ASTN2: variants seen among roughly 807,000 people sequenced by gnomAD.
The protein encoded by ASTN2 is astrotactin-2.
ASTN2 carries 54 observed loss-of-function variants against 139.8 expected under a neutral mutation model. That is an observed-to-expected ratio of 0.39 (90% CI 0.31 to 0.48). The LOEUF is 0.48. ASTN2 is among the 20% of genes least tolerant of loss of function. The pLI, the probability that ASTN2 is intolerant of heterozygous loss-of-function variation, is 0.95. For missense variants in ASTN2, 1,565 were observed against 1,725.1 expected (o/e 0.91, Z 1.64); for synonymous variants, 756 against 719.5 (o/e 1.05, Z -0.81).
intron 3 of ASTN2, among the ~76,000 whole-genome samples, chr9:117,203,079 T>C (rs910666052): frequency 2.0e-5 from 3 of 151,912 alleles, no homozygotes; most frequent in African/African-American, 7.3e-5. Context: ...CTTATTTCAG[T>C]AAGGTTGTCA....
intron 5 of ASTN2, among the ~76,000 whole-genome samples, chr9:117,072,090 C>G (rs1189980079): frequency 6.6e-6 from 1 of 152,196 alleles, no homozygotes; most frequent in South Asian, 2.1e-4. Flanking sequence ...TAGTAAGTCA[C>G]ATTGCAGGAC....
rs1839249054 is a variant in ASTN2 at position 117,060,492 on chromosome 9, A to AAGGAAT, written c.1277-20528_1277-20527insATTCCT. 6.7e-5 allele frequency among the ~76,000 whole-genome samples: 5 copies of AAGGAAT among 74,370 alleles called. 1 individual carries two copies. Among genetic ancestry groups the AAGGAAT allele is most frequent in the African/African-American group, 3.2e-4 (5 of 15,814 alleles). The allele number at this position is 74,370 out of a possible 152,430, so 48.8% of individuals were successfully genotyped here. A position where few individuals can be genotyped will look rare whatever the true frequency, so the allele number is the denominator to read the frequency against. ...AGGAAGGAAGGAAGGAAGGAATGAA[A>AAGGAAT]GAAAGAAAGAAAGAAAGAAAGGAAG... On this transcript the variant is annotated intron_variant, in intron 5 of 22. Transcript: ENST00000313400.
intron 6 of ASTN2, among the ~76,000 whole-genome samples, chr9:117,014,604 G>T (rs1348115681): frequency 6.6e-6 from 1 of 152,062 alleles, no homozygotes; most frequent in African/African-American, 2.4e-5. Context: ...TACTTGTTAT[G>T]GGTTGGACTG....
At chr9:117,121,058 C>T (rs1178135616) in intron 4 of ASTN2, among the ~76,000 whole-genome samples, 2 of 152,170 alleles carry the variant, frequency 1.3e-5, no homozygotes, top group Non-Finnish European at 2.9e-5. Flanking sequence ...TTTTTCTTTT[C>T]CATCTCTATC....
At chr9:116,951,584 C>A (rs886689387) in intron 10 of ASTN2, among the ~76,000 whole-genome samples, 1 of 151,960 alleles carries the variant, frequency 6.6e-6, no homozygotes, top group Non-Finnish European at 1.5e-5. Context: ...CAGGGTCAGG[C>A]AGAGAGATTT....
intron 5 of ASTN2, among the ~76,000 whole-genome samples, chr9:117,065,088 G>C (rs1278534596): frequency 6.6e-6 from 1 of 152,106 alleles, no homozygotes; most frequent in Non-Finnish European, 1.5e-5. Flanking sequence ...AGGATGTGAG[G>C]AAAACAGGGA....
At chr9:116,555,360 G>A (rs1055088777) in intron 19 of ASTN2, among the ~76,000 whole-genome samples, 2 of 152,292 alleles carry the variant, frequency 1.3e-5, no homozygotes, top group South Asian at 2.1e-4. Context: ...AGATCTCTGA[G>A]CCAAAGTGAG....
chr9:116,660,201 C>T (rs199802271), intron 16 of ASTN2, among the ~76,000 whole-genome samples: 1 of 149,258 alleles, frequency 6.7e-6, no homozygotes, highest in East Asian at 1.9e-4. Context: ...CACACACACA[C>T]ACATTTGGGG....
At chr9:117,075,471 G>A (rs935941545) in intron 5 of ASTN2, among the ~76,000 whole-genome samples, 1 of 150,808 alleles carries the variant, frequency 6.6e-6, no homozygotes, top group African/African-American at 2.4e-5. Flanking sequence ...CTAGAGTCTG[G>A]CAGTGGTGGG....
Position 116,698,720 on chromosome 9 carries a change from C to T in ASTN2, c.2806+27051G>A, listed in dbSNP as rs759707001. 36 of 1,614,088 alleles carry T rather than the reference C, an allele frequency of 2.2e-5. No homozygotes were observed. Among genetic ancestry groups the T allele is most frequent in the Admixed American group, 3.3e-5 (2 of 60,004 alleles). Reference sequence around the variant, plus strand: ...CCTCTGTTACTTTTAGAGAGATGGACATGAGCCCGGAGGAAGTGGTTGCCA... The same window carrying T: ...CCTCTGTTACTTTTAGAGAGATGGATATGAGCCCGGAGGAAGTGGTTGCCA... On this transcript the variant is annotated intron_variant, in intron 16 of 22. Transcript: ENST00000313400. This position sits in a 1 kb window ranked among gnomAD's most constrained non-coding sequence, Gnocchi z 4.4.
intron 4 of ASTN2, among the ~76,000 whole-genome samples, chr9:117,132,678 T>C (rs1011198100): frequency 6.6e-6 from 1 of 152,186 alleles, no homozygotes; most frequent in Non-Finnish European, 1.5e-5. Flanking sequence ...ATCAGCTTTC[T>C]TATGTCTCAG....
At chr9:116,862,771 C>T (rs1272416565) in intron 11 of ASTN2, among the ~76,000 whole-genome samples, 4 of 150,110 alleles carry the variant, frequency 2.7e-5, no homozygotes, top group Non-Finnish European at 4.4e-5. Context: ...GCAATGTTTC[C>T]CAAGTGTATT....
At chr9:117,102,419 T>C (rs1012889356) in intron 4 of ASTN2, among the ~76,000 whole-genome samples, 1 of 151,948 alleles carries the variant, frequency 6.6e-6, no homozygotes, top group African/African-American at 2.4e-5. Context: ...AACTATTGAG[T>C]TTCTTTTAGG....
At chr9:117,208,799 C>T (rs983877567) in intron 3 of ASTN2, among the ~76,000 whole-genome samples, 1 of 152,106 alleles carries the variant, frequency 6.6e-6, no homozygotes, top group Non-Finnish European at 1.5e-5. Flanking sequence ...GATTTCTCAG[C>T]CAGGAGAGAA....
chr9:116,545,251 G>T (rs1244610370), intron 19 of ASTN2, among the ~76,000 whole-genome samples: 1 of 152,108 alleles, frequency 6.6e-6, no homozygotes, highest in Non-Finnish European at 1.5e-5. Flanking sequence ...GCCCCTAGAT[G>T]GGGCTGGGTG....
intron 4 of ASTN2, among the ~76,000 whole-genome samples, chr9:117,137,857 C>A (rs67284826): frequency 0.2 from 31,163 of 152,048 alleles, 3,637 homozygotes; most frequent in Middle Eastern, 0.33. Flanking sequence ...AAATCACAAG[C>A]ATACTGTGAT....
At chr9:117,285,692 G>C (rs1170960609) in intron 2 of ASTN2, among the ~76,000 whole-genome samples, 1 of 152,112 alleles carries the variant, frequency 6.6e-6, no homozygotes, top group Non-Finnish European at 1.5e-5. Context: ...CACAAACTCA[G>C]GGAGAAGAAA....
chr9:116,777,876 G>C (rs1041937550), intron 13 of ASTN2, among the ~76,000 whole-genome samples: 5 of 152,048 alleles, frequency 3.3e-5, no homozygotes, highest in African/African-American at 4.8e-5. Context: ...TTGACATGGA[G>C]TCTGTTGTCA....
intron 10 of ASTN2, among the ~76,000 whole-genome samples, chr9:116,927,998 C>A (rs1341428422): frequency 1.3e-5 from 2 of 152,192 alleles, no homozygotes; most frequent in Non-Finnish European, 2.9e-5. Flanking sequence ...CACAGTATCT[C>A]CTCCTTGCTT....
Sources: allele counts gnomAD v4.1 joint callset (sites outside exome capture counted in the v4.1 genomes callset), GRCh38; gene constraint gnomAD v4.1.1; non-coding constraint Gnocchi (gnomAD v3.1); transcripts MANE v1.5; gene names NCBI Gene and HGNC (gene_info 2026-07-23, HGNC 2026-07-21).